Variants in RGS6 observed in about 807,000 individuals in gnomAD.
RGS6 encodes the protein regulator of G protein signaling 6, also known as regulator of G-protein signaling 6.
A neutral mutation model predicts 78.5 loss-of-function variants in RGS6; 30 were observed. The ratio of observed to expected loss-of-function variants is 0.38; its 90% CI spans 0.29 to 0.52. RGS6 has a LOEUF of 0.52. Among genes scored for constraint, RGS6 ranks in the 20% least tolerant of loss-of-function variants. RGS6 has a pLI of 0.85. For synonymous variants in RGS6, 206 were observed against 206.0 expected (o/e 1.00, Z 0.00); for missense variants, 495 against 609.7 (o/e 0.81, Z 1.98).
chr14:72,479,585 G>A (rs2096323153), intron 12 of RGS6, among the ~76,000 whole-genome samples: 2 of 152,204 alleles, frequency 1.3e-5, no homozygotes, highest in Admixed American at 6.5e-5. Flanking sequence ...ATGCAAATGT[G>A]CTGGAAAGTT....
chr14:71,966,498 A>G (rs765237254), intron 2 of RGS6, among the ~76,000 whole-genome samples: 3 of 152,178 alleles, frequency 2.0e-5, no homozygotes, highest in Non-Finnish European at 2.9e-5. Context: ...CCACCCCCAA[A>G]CTGGGAGACC....
intron 2 of RGS6, among the ~76,000 whole-genome samples, chr14:72,228,155 G>A (rs951601272): frequency 4.6e-5 from 7 of 152,162 alleles, no homozygotes; most frequent in Non-Finnish European, 8.8e-5. Context: ...GAGGTGGGTA[G>A]ATAACTTGAG....
chr14:72,583,559 A>C, the RGS6 span, among the ~76,000 whole-genome samples: 1 of 152,294 alleles, frequency 6.6e-6, no homozygotes, highest in East Asian at 1.9e-4. Flanking sequence ...ATGCAAGAAC[A>C]CAGTCTTCTG....
chr14:72,316,896 AGT>A (rs71109731), intron 2 of RGS6, among the ~76,000 whole-genome samples: 14,151 of 141,752 alleles, frequency 0.1, 697 homozygotes, highest in East Asian at 0.2. Flanking sequence ...AAGCAGGTGA[AGT>A]GTGTGTGTGT....
the RGS6 span, among the ~76,000 whole-genome samples, chr14:71,922,195 G>A: frequency 2.0e-5 from 3 of 152,172 alleles, no homozygotes; most frequent in Admixed American, 1.3e-4. Context: ...AAGTTTTTAA[G>A]GTTGGAATCA....
chr14:72,059,582 G>C (rs1391010563), intron 2 of RGS6, among the ~76,000 whole-genome samples: 1 of 152,160 alleles, frequency 6.6e-6, no homozygotes, highest in Non-Finnish European at 1.5e-5. Context: ...CTGCCACCCA[G>C]TTAAGGCATG....
chr14:72,532,008 G>A (rs1403035886), intron 15 of RGS6, among the ~76,000 whole-genome samples: 1 of 152,146 alleles, frequency 6.6e-6, no homozygotes, highest in Non-Finnish European at 1.5e-5. Flanking sequence ...CTGCTTCTGT[G>A]AGTGTGATTG....
At chr14:72,069,401 CT>C (rs2094316949) in intron 2 of RGS6, among the ~76,000 whole-genome samples, 1 of 152,132 alleles carries the variant, frequency 6.6e-6, no homozygotes, top group Admixed American at 6.6e-5. Context: ...TTATAAAAGT[CT>C]AAATTCAGTC....
the RGS6 span, among the ~76,000 whole-genome samples, chr14:72,585,638 T>A: frequency 6.6e-6 from 1 of 152,218 alleles, no homozygotes; most frequent in African/African-American, 2.4e-5. Flanking sequence ...CAGTGTGATC[T>A]TGGACAAGAT....
At chr14:71,987,005 C>T (rs1260235758) in intron 2 of RGS6, among the ~76,000 whole-genome samples, 1 of 152,142 alleles carries the variant, frequency 6.6e-6, no homozygotes, top group African/African-American at 2.4e-5. Context: ...GGTACCTCCC[C>T]ATCTCAGAGT....
chr14:72,024,870 A>G (rs934976431), intron 2 of RGS6, among the ~76,000 whole-genome samples: 1 of 152,182 alleles, frequency 6.6e-6, no homozygotes, highest in Non-Finnish European at 1.5e-5. Context: ...AATTCAAGGA[A>G]TGTGAAGCAA....
At chr14:72,014,139 T>C (rs900672515) in intron 2 of RGS6, among the ~76,000 whole-genome samples, 4 of 152,318 alleles carry the variant, frequency 2.6e-5, no homozygotes, top group Non-Finnish European at 1.5e-5. Flanking sequence ...TGTAAGGATA[T>C]GGCATAATTT....
the RGS6 span, among the ~76,000 whole-genome samples, chr14:72,613,347 G>C: frequency 3.3e-5 from 5 of 152,268 alleles, no homozygotes; most frequent in East Asian, 7.8e-4. Context: ...GCCTGGGCTA[G>C]AGGTCATGAT....
chr14:72,252,270 T>C (rs1449194959), intron 2 of RGS6, among the ~76,000 whole-genome samples: 2 of 152,152 alleles, frequency 1.3e-5, no homozygotes, highest in Non-Finnish European at 2.9e-5. Flanking sequence ...TTTCAAAAAA[T>C]CATTTAGAAG....
chr14:72,047,898 G>GTTTTTTTTTTTTTTTTTTTT (rs869098348), intron 2 of RGS6, among the ~76,000 whole-genome samples: 1 of 29,642 alleles, frequency 3.4e-5, no homozygotes, highest in Non-Finnish European at 6.0e-5. Context: ...GCTAATTTTT[G>GTTTTTTTTTTTTTTTTTTTT]TTTTTTTTTT....
At chr14:72,058,123 C>A (rs574935579) in intron 2 of RGS6, among the ~76,000 whole-genome samples, 1 of 150,408 alleles carries the variant, frequency 6.6e-6, no homozygotes, top group South Asian at 2.1e-4. Context: ...ATTTCCAGAG[C>A]AGAGGCATTG....
chr14:72,476,696 C>T, intron 10 of RGS6, 46 bp from the exon 11 acceptor site: 1 of 1,566,040 alleles, frequency 6.4e-7, no homozygotes, highest in Non-Finnish European at 8.8e-7. Context: ...AAGCCACCCT[C>T]CAATTCTGTG....
At chr14:72,000,494 G>A (rs2083221388) in intron 2 of RGS6, among the ~76,000 whole-genome samples, 1 of 152,200 alleles carries the variant, frequency 6.6e-6, no homozygotes, top group Admixed American at 6.5e-5. Context: ...AGATGGGGTT[G>A]GTTGGGAGTC....
the RGS6 span, among the ~76,000 whole-genome samples, chr14:71,876,337 G>T: frequency 6.6e-6 from 1 of 151,918 alleles, no homozygotes; most frequent in Non-Finnish European, 1.5e-5. Context: ...TCCTGTATTG[G>T]GTGCATATAT....
Sources: gnomAD v4.1 joint callset for allele counts (sites outside exome capture counted in the v4.1 genomes callset) on GRCh38, gnomAD v4.1.1 for gene constraint, MANE v1.5 for transcripts, NCBI Gene and HGNC (gene_info 2026-07-23, HGNC 2026-07-21) for gene names.